LRRC36: variants seen among roughly 807,000 people sequenced by gnomAD.
LRRC36 encodes leucine rich repeat containing 36.
LRRC36 carries 62 observed loss-of-function variants against 81.1 expected under a neutral mutation model. That is an observed-to-expected ratio of 0.76 (90% CI 0.62 to 0.94). LRRC36 has a LOEUF of 0.94. LRRC36 is among the 40% of genes least tolerant of loss of function. The pLI is 0.00. For missense variants in LRRC36, 761 were observed against 881.7 expected, an observed-to-expected ratio of 0.86 and a Z score of 1.73; for synonymous variants, 334 against 348.6, an observed-to-expected ratio of 0.96 and a Z score of 0.47.
intron 7 of LRRC36, 88 bp downstream of exon 7, chr16:67,365,443 ATATGGGGGCCCT>A: frequency 1.8e-6 from 2 of 1,140,898 alleles, no homozygotes; most frequent in Non-Finnish European, 2.6e-6. Flanking sequence ...AGATGTCTCA[ATATGGGGGCCCT>A]ATTTAGTCAA....
At chr16:67,329,772 G>A (rs1485889184) in intron 1 of LRRC36, among the ~76,000 whole-genome samples, 1 of 152,000 alleles carries the variant, frequency 6.6e-6, no homozygotes, top group African/African-American at 2.4e-5. Flanking sequence ...ACAAAAATTA[G>A]CTGGACATGG....
At chr16:67,372,367 A>AG in intron 9 of LRRC36, among the ~76,000 whole-genome samples, 1 of 152,078 alleles carries the variant, frequency 6.6e-6, no homozygotes, top group East Asian at 1.9e-4. Context: ...CAAAAAAAAA[A>AG]AAATAAAATA....
chr16:67,351,598 T>G (rs1421875034), intron 5 of LRRC36, among the ~76,000 whole-genome samples: 1 of 152,164 alleles, frequency 6.6e-6, no homozygotes, highest in Non-Finnish European at 1.5e-5. Context: ...TCCCAGCTAC[T>G]TGAGTGGCTG....
At chr16:67,348,829 A>G (rs2038480631) in intron 4 of LRRC36, among the ~76,000 whole-genome samples, 1 of 152,208 alleles carries the variant, frequency 6.6e-6, no homozygotes, top group Non-Finnish European at 1.5e-5. Flanking sequence ...GATGCTAAGA[A>G]ATAATGTATT....
At chr16:67,348,907 G>T (rs1272713075) in intron 4 of LRRC36, among the ~76,000 whole-genome samples, 3 of 152,138 alleles carry the variant, frequency 2.0e-5, no homozygotes, top group African/African-American at 7.2e-5. Flanking sequence ...GACTTTGCCT[G>T]TCTCTGCTCT....
At chr16:67,372,492 C>T (rs1373378499) in intron 9 of LRRC36, among the ~76,000 whole-genome samples, 7 of 152,310 alleles carry the variant, frequency 4.6e-5, no homozygotes, top group African/African-American at 1.2e-4. Context: ...GCCTTCTACT[C>T]TCCTCTCTTG....
intron 5 of LRRC36, among the ~76,000 whole-genome samples, chr16:67,360,843 A>G (rs1009608257): frequency 3.9e-5 from 6 of 152,204 alleles, no homozygotes; most frequent in African/African-American, 9.6e-5. Context: ...ATAAGAGCAC[A>G]TTGTTTGACA....
intron 1 of LRRC36, among the ~76,000 whole-genome samples, chr16:67,335,162 G>A (rs1282169954): frequency 2.0e-5 from 3 of 152,146 alleles, no homozygotes; most frequent in Non-Finnish European, 2.9e-5. Flanking sequence ...GAATTTCCTC[G>A]TCCTAATAAG....
At chr16:67,377,938 C>T (rs1160905636) in intron 11 of LRRC36, among the ~76,000 whole-genome samples, 3 of 152,044 alleles carry the variant, frequency 2.0e-5, no homozygotes, top group Non-Finnish European at 2.9e-5. Flanking sequence ...CGGCCTCAGC[C>T]GCCTTTTCTT....
chr16:67,345,872 CAGGAG>C (rs1410764432), intron 2 of LRRC36, among the ~76,000 whole-genome samples: 1 of 151,512 alleles, frequency 6.6e-6, no homozygotes. Context: ...CTTTTGGGAT[CAGGAG>C]AGGGGTTGGG....
intron 9 of LRRC36, 38 bp from the exon 10 acceptor site, chr16:67,375,209 T>TTTTG (rs143776862): frequency 3.8e-6 from 6 of 1,599,182 alleles, no homozygotes; most frequent in East Asian, 2.2e-5. Context: ...TGGTTGGGTT[T>TTTTG]TTTGTTTGTT....
chr16:67,381,892 C>T (rs1188361584), intron 12 of LRRC36, among the ~76,000 whole-genome samples: 5 of 152,214 alleles, frequency 3.3e-5, no homozygotes, highest in Admixed American at 2.0e-4. Context: ...GCTGGGATTA[C>T]AGGCGTGAGC....
intron 1 of LRRC36, among the ~76,000 whole-genome samples, chr16:67,331,464 G>C (rs2037488221): frequency 6.6e-6 from 1 of 152,186 alleles, no homozygotes; most frequent in Non-Finnish European, 1.5e-5. Context: ...GTTTTAGGCT[G>C]CAGTGCACTA....
chr16:67,326,873 A>T lies in LRRC36; in HGVS notation c.11A>T (p.Gln4Leu). ...GAGCGGCGGGCGGGGATGGCGGAGC[A>T]ATGGGAGCTGGACGAGGAAGGCATT... MAEQWELDEEGIRR... is the reference protein window; with the variant it reads MAELWELDEEGIRR... The change falls in exon 1 of 14, where the codon CAA becomes CTA. Residue 4 changes from glutamine (Q) to leucine (L), a missense_variant. Physicochemically the swap from Gln to Leu is moderately radical, Grantham distance 113 (BLOSUM62 -2). Around this residue, in one of 3 missense-constraint regions of LRRC36, gnomAD observed 263 missense variants for 279.3 expected, o/e 0.94. Transcript: ENST00000329956. 1 of 1,444,082 alleles carries T rather than the reference A, an allele frequency of 6.9e-7. No individual in the cohort carries two copies. The highest frequency in any genetic ancestry group is 3.0e-5 in the East Asian group (1 of 33,312). The allele number at this position is 1,444,082 out of a possible 1,614,324, so 89.5% of individuals were successfully genotyped here.
intron 1 of LRRC36, among the ~76,000 whole-genome samples, chr16:67,338,694 T>C (rs2037877100): frequency 6.6e-6 from 1 of 151,954 alleles, no homozygotes; most frequent in Admixed American, 6.6e-5. Context: ...ACTCACTAAG[T>C]TATGTAGATC....
chr16:67,362,192 T>A (rs1156458870), intron 5 of LRRC36: 1 of 453,634 alleles, frequency 2.2e-6, no homozygotes, highest in Admixed American at 2.3e-5. Flanking sequence ...AGAAAGAGTC[T>A]TGCTCTGTCG....
At chr16:67,358,253 G>A (rs1279696820) in intron 5 of LRRC36, among the ~76,000 whole-genome samples, 1 of 149,828 alleles carries the variant, frequency 6.7e-6, no homozygotes, top group Non-Finnish European at 1.5e-5. Flanking sequence ...AAATTTTTGT[G>A]TTTTAAAGGA....
At chr16:67,381,230 G>GAAA (rs1179228134) in intron 12 of LRRC36, among the ~76,000 whole-genome samples, 1,326 of 41,028 alleles carry the variant, frequency 0.032, 33 homozygotes, top group South Asian at 0.086. Flanking sequence ...CTCTGCCTCA[G>GAAA]AAAAAAAAAA....
intron 9 of LRRC36, 130 bp downstream of exon 9, chr16:67,371,372 T>C: frequency 9.2e-7 from 1 of 1,084,296 alleles, no homozygotes; most frequent in Non-Finnish European, 1.4e-6. Context: ...CAGAGGCTGG[T>C]GGCTAATACT....
Sources: allele counts gnomAD v4.1 joint callset (sites outside exome capture counted in the v4.1 genomes callset), GRCh38; gene constraint gnomAD v4.1.1; regional missense constraint gnomAD v4.1.1; transcripts MANE v1.5; gene names NCBI Gene and HGNC (gene_info 2026-07-23, HGNC 2026-07-21).